The following HMCN1 variants were observed in gnomAD, a reference collection of about 807,000 sequenced individuals.
HMCN1 encodes the protein hemicentin 1.
HMCN1 carries 321 observed loss-of-function variants against 625.9 expected under a neutral mutation model. The observed-to-expected ratio is 0.51, with a 90% CI of 0.47 to 0.56. HMCN1 has a LOEUF of 0.56. Among genes scored for constraint, HMCN1 ranks in the 20% least tolerant of loss-of-function variants. HMCN1 has a pLI of 0.00. For missense variants in HMCN1, 6,588 were observed against 6,887.3 expected (o/e 0.96, Z 1.54); for synonymous variants, 2,425 against 2,417.6 (o/e 1.00, Z -0.09).
chr1:185,976,537 C>T (rs553412237), intron 15 of HMCN1, among the ~76,000 whole-genome samples: 145 of 152,124 alleles, frequency 9.5e-4, no homozygotes, highest in Admixed American at 4.6e-3. Context: ...TGACTATGAG[C>T]AGTTGTGAGA....
intron 41 of HMCN1, among the ~76,000 whole-genome samples, 195 bp downstream of exon 41, chr1:186,046,058 C>G (rs2102253217): frequency 6.6e-6 from 1 of 152,082 alleles, no homozygotes; most frequent in South Asian, 2.1e-4. Context: ...ATTTGTCATC[C>G]ATATCCAGAA....
intron 97 of HMCN1, among the ~76,000 whole-genome samples, chr1:186,154,307 C>T (rs760578340): frequency 1.5e-4 from 23 of 152,072 alleles, no homozygotes; most frequent in Admixed American, 9.8e-4. Flanking sequence ...TTTGGGAGGC[C>T]GAGGCAGGTG....
intron 11 of HMCN1, among the ~76,000 whole-genome samples, chr1:185,959,419 A>G (rs1345088411): frequency 6.6e-6 from 1 of 152,190 alleles, no homozygotes; most frequent in Non-Finnish European, 1.5e-5. Flanking sequence ...TTAATAGTGT[A>G]TTAAGATACC....
In HMCN1 at chr1:185,735,031, G is replaced by A. The variant is rs143214070; in HGVS notation, c.252G>A (p.Val84=). 19 of 1,614,014 alleles carry A rather than the reference G, an allele frequency of 1.2e-5. No individual in the cohort carries two copies. In the African/African-American group the frequency reaches 1.7e-4, roughly 15 times the overall value. The change falls in exon 1 of 107, where the codon GTG becomes GTA. Residue 84 remains valine, a synonymous_variant. Transcript: ENST00000271588. ...PKRPLFNFAL[V]PFHDPEIGPV... ...GACCTCTTTTCAACTTTGCGTTGGT[G>A]CCTTTCCATGATCCAGGTAAGGGAA...
At chr1:186,083,340 T>C (rs1659284633) in intron 57 of HMCN1, among the ~76,000 whole-genome samples, 1 of 152,002 alleles carries the variant, frequency 6.6e-6, no homozygotes, top group Admixed American at 6.6e-5. Context: ...AAGTGCAGAA[T>C]TCATGTTGAG....
intron 23 of HMCN1, chr1:185,993,561 G>C (rs1020107767): frequency 2.4e-5 from 10 of 414,312 alleles, no homozygotes; most frequent in Non-Finnish European, 4.5e-5. Flanking sequence ...TTTTCTACTG[G>C]TCAACAGTCA....
At chr1:186,119,586 C>T (rs539417819) in intron 78 of HMCN1, among the ~76,000 whole-genome samples, 159 bp from the exon 79 acceptor site, 2 of 152,256 alleles carry the variant, frequency 1.3e-5, no homozygotes, top group East Asian at 1.9e-4. Context: ...TAGCAAGACT[C>T]AAAGAATGCA....
At chr1:185,985,065 A>T (rs150510977) in intron 19 of HMCN1, among the ~76,000 whole-genome samples, 138 of 152,308 alleles carry the variant, frequency 9.1e-4, no homozygotes, top group African/African-American at 3.1e-3. Flanking sequence ...TAGAGTGTGA[A>T]TTGGAGAGTC....
chr1:186,184,893 A>G (rs1244207048), intron 105 of HMCN1, among the ~76,000 whole-genome samples: 1 of 152,188 alleles, frequency 6.6e-6, no homozygotes, highest in Non-Finnish European at 1.5e-5. Flanking sequence ...ATCATCCATG[A>G]ACAGAAGACA....
chr1:186,123,357 AG>A (rs1170419901), intron 81 of HMCN1, 137 bp downstream of exon 81: 4 of 1,012,884 alleles, frequency 3.9e-6, no homozygotes, highest in Non-Finnish European at 6.0e-6. Context: ...TGTGGTGTGT[AG>A]GTGCACTTCA....
chr1:185,946,938 T>A lies in HMCN1; in HGVS notation c.1828+13114T>A, dbSNP rs60792924. ...TGATGCATATTTGCCATTAAGAGTC[T>A]GTCATTAAAATCTAATCTAGCACTT... On this transcript the variant is annotated intron_variant, in intron 11 of 106. Transcript: ENST00000271588. 6.0e-3 allele frequency among the ~76,000 whole-genome samples: 913 copies of A among 152,352 alleles called. 5 individuals carry two copies. Among genetic ancestry groups the A allele is most frequent in the African/African-American group, 0.021 (877 of 41,590 alleles).
At chr1:185,793,810 C>T (rs915093146) in intron 1 of HMCN1, among the ~76,000 whole-genome samples, 8 of 151,938 alleles carry the variant, frequency 5.3e-5, no homozygotes, top group African/African-American at 1.9e-4. Flanking sequence ...GATATACTTC[C>T]CTTGGAGGTA....
Position 185,769,610 on chromosome 1 carries a change from G to T in HMCN1, c.268+34563G>T, listed in dbSNP as rs528806246. Among the ~76,000 whole-genome samples, 10 of 152,250 alleles carry T rather than the reference G, an allele frequency of 6.6e-5. No individual in the cohort carries two copies. In the East Asian group the frequency reaches 9.7e-4, roughly 15 times the overall value. ...AACTATATTAGTTAGCTTTTGCTGT[G>T]TAACAAATTATTCCAAAACTTAAAT... is the stretch of plus-strand genomic sequence containing the variant. On this transcript the variant is annotated intron_variant, in intron 1 of 106. Transcript: ENST00000271588.
At chr1:185,823,860 G>T (rs73072053) in intron 1 of HMCN1, among the ~76,000 whole-genome samples, 4,670 of 152,184 alleles carry the variant, frequency 0.031, 259 homozygotes, top group African/African-American at 0.11. Context: ...GGTTCATAGC[G>T]CAGTCAAGTG....
chr1:186,001,533 A>G lies in HMCN1; in HGVS notation c.4201-61A>G, dbSNP rs527345487. 5.6e-6 allele frequency: 9 copies of G among 1,605,634 alleles called. No homozygotes were observed. The Admixed American group carries it at 1.2e-4, about 21-fold the overall frequency. On this transcript the variant is annotated intron_variant, in intron 27 of 106. Coordinates refer to ENST00000271588, the MANE Select transcript of HMCN1 (RefSeq NM_031935.3). ...CTAATAATATAAACATTCTACTTCAATTTTTAATTATGCATTTTTATTAGG... is the reference window on the plus strand; with the variant it reads ...CTAATAATATAAACATTCTACTTCAGTTTTTAATTATGCATTTTTATTAGG...
intron 1 of HMCN1, among the ~76,000 whole-genome samples, chr1:185,762,700 T>G (rs1655592157): frequency 6.6e-6 from 1 of 152,188 alleles, no homozygotes; most frequent in Non-Finnish European, 1.5e-5. Flanking sequence ...GAATCAGTTT[T>G]GACACTGTCC....
intron 23 of HMCN1, 129 bp from the exon 24 acceptor site, chr1:185,994,686 G>A (rs1652663371): frequency 2.3e-6 from 2 of 883,576 alleles, no homozygotes; most frequent in Non-Finnish European, 3.7e-6. Context: ...AATGATCCGA[G>A]CCTAGGTCCA....
At chr1:185,906,233 T>C (rs1571538757) in intron 4 of HMCN1, among the ~76,000 whole-genome samples, 1 of 151,818 alleles carries the variant, frequency 6.6e-6, no homozygotes, top group Non-Finnish European at 1.5e-5. Flanking sequence ...GTAGTATCTG[T>C]ATTTTCTAAT....
At chr1:186,108,773 G>C (rs1025583152) in intron 71 of HMCN1, among the ~76,000 whole-genome samples, 176 bp downstream of exon 71, 5 of 152,128 alleles carry the variant, frequency 3.3e-5, no homozygotes, top group Non-Finnish European at 5.9e-5. Flanking sequence ...TTTATTATTT[G>C]CCTTTGCTGG....
Sources: allele counts gnomAD v4.1 joint callset (sites outside exome capture counted in the v4.1 genomes callset), GRCh38; gene constraint gnomAD v4.1.1; transcripts MANE v1.5; gene names NCBI Gene and HGNC (gene_info 2026-07-23, HGNC 2026-07-21).